Variants in PPEF1 observed in about 807,000 individuals in gnomAD.
PPEF1 encodes the protein serine/threonine-protein phosphatase with EF-hands 1.
PPEF1 carries 12 observed loss-of-function variants against 53.3 expected under a neutral mutation model. That is an observed-to-expected ratio of 0.23 (90% confidence interval 0.14 to 0.36). The LOEUF is 0.36. Among genes scored for constraint, PPEF1 ranks in the 10% least tolerant of loss-of-function variants. PPEF1 has a pLI of 1.00. For missense variants in PPEF1, 334 were observed against 490.4 expected (o/e 0.68, Z 3.01); for synonymous variants, 165 against 176.7 (o/e 0.93, Z 0.52).
At chrX:18,777,522 T>A (rs1342303353) in intron 6 of PPEF1, among the ~76,000 whole-genome samples, 1 of 111,283 alleles carries the variant, frequency 9.0e-6, no homozygotes, top group Non-Finnish European at 1.9e-5. Context: ...TTTCTTTTCT[T>A]TTTTTTTCCT....
chrX:18,691,650 A>C (rs1030155094), intron 4 of PPEF1: 4 of 112,152 alleles, frequency 3.6e-5, no homozygotes, highest in African/African-American at 1.3e-4. Context: ...ATTGCTCTAC[A>C]TTGACTCATG....
At chrX:18,687,070 TA>T (rs1460104226) in intron 3 of PPEF1, among the ~76,000 whole-genome samples, 1 of 111,449 alleles carries the variant, frequency 9.0e-6, no homozygotes, top group Non-Finnish European at 1.9e-5. Flanking sequence ...CCAGGCAGAA[TA>T]GGGGGAAGGA....
At chrX:18,690,755 AAGG>A (rs1416619271) in intron 3 of PPEF1, among the ~76,000 whole-genome samples, 1 of 112,594 alleles carries the variant, frequency 8.9e-6, no homozygotes, top group Non-Finnish European at 1.9e-5. Context: ...AATAGTTGAT[AAGG>A]AGGCAATGGT....
intron 4 of PPEF1, among the ~76,000 whole-genome samples, chrX:18,756,241 G>A (rs111945173): frequency 0.036 from 3,935 of 110,083 alleles, 187 homozygotes; most frequent in African/African-American, 0.12. Context: ...GTGCAATGGC[G>A]CAATCTTGGC....
At chrX:18,739,728 C>G (rs1036444892) in intron 3 of PPEF1, among the ~76,000 whole-genome samples, 1 of 112,432 alleles carries the variant, frequency 8.9e-6, no homozygotes, top group African/African-American at 3.2e-5. Context: ...GCCCTGCCCC[C>G]AGAGGTGGCG....
chrX:18,806,284 C>A, intron 11 of PPEF1, 119 bp from the exon 12 acceptor site: 1 of 764,852 alleles, frequency 1.3e-6, no homozygotes, highest in Non-Finnish European at 1.9e-6. Flanking sequence ...TGATGATTTG[C>A]AGGGTTTATG....
intron 1 of PPEF1, 142 bp downstream of exon 1, chrX:18,707,968 G>C: frequency 2.1e-6 from 1 of 465,870 alleles, no homozygotes; most frequent in Non-Finnish European, 3.7e-6. Flanking sequence ...AGTAGCATAG[G>C]AAACTACATT....
chrX:18,783,515 C>T (rs935495421), intron 8 of PPEF1, among the ~76,000 whole-genome samples: 4 of 110,369 alleles, frequency 3.6e-5, no homozygotes, highest in Non-Finnish European at 5.7e-5. Context: ...GTCAGGAGTT[C>T]GAGACCAGCC....
At chrX:18,680,429 C>CTTTTTTTTTTT (rs769412688), upstream of PPEF1, among the ~76,000 whole-genome samples, 1 of 78,697 alleles carries the variant, frequency 1.3e-5, no homozygotes, top group Non-Finnish European at 2.3e-5. Flanking sequence ...AATTTCTTCT[C>CTTTTTTTTTTT]TTTTTTTTTT....
intron 6 of PPEF1, among the ~76,000 whole-genome samples, chrX:18,701,238 A>G (rs1472974939): frequency 1.8e-5 from 2 of 111,935 alleles, no homozygotes; most frequent in East Asian, 5.6e-4. Context: ...CCGATCTTAG[A>G]CCTCTCAAGG....
chrX:18,755,365 A>C (rs1483455722), intron 4 of PPEF1, among the ~76,000 whole-genome samples: 3 of 111,827 alleles, frequency 2.7e-5, no homozygotes, highest in Non-Finnish European at 5.7e-5. Context: ...TCAGGCGTTC[A>C]AGACCAGCCT....
At chrX:18,757,585 T>G in intron 4 of PPEF1, 42 bp from the exon 5 acceptor site, 1 of 1,022,433 alleles carries the variant, frequency 9.8e-7, no homozygotes, top group East Asian at 3.0e-5. Flanking sequence ...ATGTCTTTCT[T>G]CCTTGTTCAT....
chrX:18,808,789 G>A (rs1569270562), intron 12 of PPEF1, among the ~76,000 whole-genome samples: 1 of 111,421 alleles, frequency 9.0e-6, no homozygotes, highest in East Asian at 2.8e-4. Flanking sequence ...AAAAGGGAAC[G>A]CTTGTACTCT....
At chrX:18,732,167 A>G (rs754061398) in intron 2 of PPEF1, among the ~76,000 whole-genome samples, 1 of 113,015 alleles carries the variant, frequency 8.8e-6, no homozygotes, top group East Asian at 2.8e-4. Flanking sequence ...GTTGTAGCAC[A>G]TATCAGGACT....
At chrX:18,812,208 G>A (rs1186158294) in intron 12 of PPEF1, among the ~76,000 whole-genome samples, 1 of 111,294 alleles carries the variant, frequency 9.0e-6, no homozygotes, top group Admixed American at 9.6e-5. Context: ...TTTACATGTG[G>A]ATATCCAGTT....
At chrX:18,768,950 G>A (rs1358084146) in intron 6 of PPEF1, among the ~76,000 whole-genome samples, 1 of 112,328 alleles carries the variant, frequency 8.9e-6, no homozygotes, top group African/African-American at 3.2e-5. Context: ...TTTAGTAAGT[G>A]CCTAAATCAT....
chrX:18,732,804 A>C (rs1243964162), intron 2 of PPEF1, among the ~76,000 whole-genome samples: 1 of 112,277 alleles, frequency 8.9e-6, no homozygotes, highest in African/African-American at 3.2e-5. Context: ...CAGTACCCTG[A>C]TTGTGGCTGG....
intron 1 of PPEF1, among the ~76,000 whole-genome samples, chrX:18,729,353 T>G (rs1002383044): frequency 1.8e-5 from 2 of 112,229 alleles, no homozygotes; most frequent in African/African-American, 6.5e-5. Flanking sequence ...CTTCTCTTCA[T>G]GTACCCCACG....
chrX:18,760,838 G>T (rs1569258300), intron 5 of PPEF1, among the ~76,000 whole-genome samples: 1 of 103,647 alleles, frequency 9.6e-6, no homozygotes, highest in African/African-American at 3.6e-5. Context: ...GGAGTGCAGT[G>T]GTGCAATCTC....
Sources: gnomAD v4.1 joint callset for allele counts (sites outside exome capture counted in the v4.1 genomes callset) on GRCh38, gnomAD v4.1.1 for gene constraint, MANE v1.5 for transcripts, NCBI Gene and HGNC (gene_info 2026-07-23, HGNC 2026-07-21) for gene names.